PLCL1: variants seen among roughly 807,000 people sequenced by gnomAD.
PLCL1 encodes the protein inactive phospholipase C-like protein 1.
In PLCL1, 41 loss-of-function variants were observed where a neutral mutation model predicts 84.4. The observed-to-expected ratio is 0.49, with a 90% confidence interval of 0.38 to 0.63. PLCL1 has a LOEUF of 0.63. Ranked by LOEUF, PLCL1 falls within the 30% of genes least tolerant of loss-of-function variation. PLCL1 has a pLI of 0.00. For missense variants in PLCL1, 1,206 were observed against 1,367.8 expected (o/e 0.88, Z 1.87); for synonymous variants, 490 against 488.3 (o/e 1.00, Z -0.05).
At chr2:198,005,828 A>C (rs1173162141) in intron 1 of PLCL1, among the ~76,000 whole-genome samples, 1 of 152,248 alleles carries the variant, frequency 6.6e-6, no homozygotes, top group Non-Finnish European at 1.5e-5. Context: ...GAAAGATGCA[A>C]GGGGACTGAG....
chr2:197,935,334 A>G (rs995648064), intron 1 of PLCL1, among the ~76,000 whole-genome samples: 3 of 152,210 alleles, frequency 2.0e-5, no homozygotes, highest in Non-Finnish European at 4.4e-5. Flanking sequence ...CAATATTCAC[A>G]ATAGCAAAGA....
At chr2:197,979,523 C>T (rs559972539) in intron 1 of PLCL1, among the ~76,000 whole-genome samples, 1 of 152,230 alleles carries the variant, frequency 6.6e-6, no homozygotes, top group African/African-American at 2.4e-5. Context: ...CTTCATCCTA[C>T]TGCTATCTGT....
At chr2:197,943,075 C>T (rs1444386423) in intron 1 of PLCL1, among the ~76,000 whole-genome samples, 1 of 151,284 alleles carries the variant, frequency 6.6e-6, no homozygotes, top group Non-Finnish European at 1.5e-5. Context: ...AGTGCAGTGG[C>T]ATGCGTGGGA....
At chr2:198,109,391 A>G (rs1477486026) in intron 5 of PLCL1, among the ~76,000 whole-genome samples, 5 of 151,832 alleles carry the variant, frequency 3.3e-5, no homozygotes, top group African/African-American at 1.2e-4. Context: ...TTGGGGATTA[A>G]GTTCCAACAT....
chr2:198,050,233 T>C (rs1434896858), intron 1 of PLCL1, among the ~76,000 whole-genome samples: 1 of 152,126 alleles, frequency 6.6e-6, no homozygotes, highest in African/African-American at 2.4e-5. Flanking sequence ...TTTTTTTCTG[T>C]ACGTTTTCAT....
In PLCL1 at chr2:198,103,901, A is replaced by G. The variant is rs1693406989; in HGVS notation, c.3070A>G (p.Thr1024Ala). 6.2e-7 allele frequency: 1 copy of G among 1,605,822 alleles called. No homozygotes were observed. Among genetic ancestry groups the G allele is most frequent in the Non-Finnish European group, 8.5e-7 (1 of 1,174,738 alleles). ...GLKGRKLNKA[T>A]ESFAWNITVL... ...GAAGGGAAGAAAACTCAACAAAGCAACTGAGAGCTTTGCTTGGAACATTAC... is the reference window on the plus strand; with the variant it reads ...GAAGGGAAGAAAACTCAACAAAGCAGCTGAGAGCTTTGCTTGGAACATTAC... The change falls in exon 5 of 6, where the codon ACT (threonine) becomes GCT (alanine). Residue 1024 changes from threonine to alanine, a missense_variant. By Grantham distance (58) the Thr-to-Ala change is moderately conservative (BLOSUM62 0). Transcript: ENST00000428675.
chr2:197,962,114 T>G (rs965630370), intron 1 of PLCL1, among the ~76,000 whole-genome samples: 1 of 152,018 alleles, frequency 6.6e-6, no homozygotes, highest in African/African-American at 2.4e-5. Flanking sequence ...CATAACTCCT[T>G]TATCTTAACT....
chr2:198,135,116 AT>A (rs910185120), intron 5 of PLCL1, among the ~76,000 whole-genome samples: 3 of 152,108 alleles, frequency 2.0e-5, no homozygotes, highest in Non-Finnish European at 2.9e-5. Flanking sequence ...TATAAATGAT[AT>A]TTTTTGAAAT....
chr2:197,849,702 G>T (rs943081532), intron 1 of PLCL1, among the ~76,000 whole-genome samples: 1 of 152,066 alleles, frequency 6.6e-6, no homozygotes, highest in Non-Finnish European at 1.5e-5. Flanking sequence ...GTGGTGGTGG[G>T]TAGAGAGTGA....
intron 1 of PLCL1, among the ~76,000 whole-genome samples, chr2:197,940,589 A>T (rs1344789496): frequency 6.6e-6 from 1 of 152,218 alleles, no homozygotes; most frequent in African/African-American, 2.4e-5. Context: ...GTGCTGTGAC[A>T]GAGATTATGT....
chr2:197,951,243 C>T (rs1480407233), intron 1 of PLCL1, among the ~76,000 whole-genome samples: 1 of 152,162 alleles, frequency 6.6e-6, no homozygotes, highest in Admixed American at 6.6e-5. Flanking sequence ...TAATGGTCTG[C>T]TATTGTCTGT....
At chr2:198,020,071 G>A (rs1219670941) in intron 1 of PLCL1, among the ~76,000 whole-genome samples, 1 of 152,192 alleles carries the variant, frequency 6.6e-6, no homozygotes, top group Non-Finnish European at 1.5e-5. Context: ...AGAAGAGAGT[G>A]GGGACCAATA....
At chr2:197,869,270 C>T (rs1179520089) in intron 1 of PLCL1, among the ~76,000 whole-genome samples, 1 of 152,120 alleles carries the variant, frequency 6.6e-6, no homozygotes, top group Non-Finnish European at 1.5e-5. Context: ...CCACATGGGC[C>T]ATTCCACAAT....
intron 1 of PLCL1, among the ~76,000 whole-genome samples, chr2:197,983,805 A>G (rs760828182): frequency 2.0e-5 from 3 of 152,128 alleles, no homozygotes; most frequent in Non-Finnish European, 4.4e-5. Context: ...CATTTTACAC[A>G]CCAGGTCTAT....
rs530345466 is a variant in PLCL1 at position 198,145,588 on chromosome 2, C to T, written c.3106-1192C>T. Among the ~76,000 whole-genome samples, 5 of 152,308 alleles carry T rather than the reference C, an allele frequency of 3.3e-5. No individual in the cohort carries two copies. In the East Asian group the frequency reaches 7.7e-4, roughly 24 times the overall value. ...TAATTGATGTACTTGAGAAGAAGTT[C>T]GCTTTAACACAAACATCAGGCAAAG... On this transcript the variant is annotated intron_variant, in intron 5 of 5. Coordinates refer to ENST00000428675, the MANE Select transcript of PLCL1 (RefSeq NM_006226.4).
chr2:197,817,339 AATGAACTG>A (rs1179358964), intron 1 of PLCL1, among the ~76,000 whole-genome samples: 1 of 152,100 alleles, frequency 6.6e-6, no homozygotes, highest in African/African-American at 2.4e-5. Flanking sequence ...TTTTGTGATA[AATGAACTG>A]ATGTTTCTAT....
chr2:197,915,118 T>A (rs1396767842), intron 1 of PLCL1, among the ~76,000 whole-genome samples: 2 of 152,182 alleles, frequency 1.3e-5, no homozygotes, highest in Non-Finnish European at 2.9e-5. Context: ...CTCTGGACAG[T>A]TTGCAGCTCA....
At chr2:197,846,523 A>T (rs1453865850) in intron 1 of PLCL1, among the ~76,000 whole-genome samples, 1 of 152,072 alleles carries the variant, frequency 6.6e-6, no homozygotes, top group East Asian at 1.9e-4. Context: ...TTGGGGAGGA[A>T]TTTATTTAGA....
intron 1 of PLCL1, among the ~76,000 whole-genome samples, chr2:197,849,257 A>G (rs1559024321): frequency 6.6e-6 from 1 of 152,178 alleles, no homozygotes; most frequent in Non-Finnish European, 1.5e-5. Context: ...ATAGCAATAG[A>G]AAAGAAAATA....
Sources: allele counts gnomAD v4.1 joint callset (sites outside exome capture counted in the v4.1 genomes callset), GRCh38; gene constraint gnomAD v4.1.1; transcripts MANE v1.5; gene names NCBI Gene and HGNC (gene_info 2026-07-23, HGNC 2026-07-21).